The following SHANK2 variants were observed in gnomAD, a reference collection of about 807,000 sequenced individuals.
The protein encoded by SHANK2 is SH3 and multiple ankyrin repeat domains 2.
A neutral mutation model predicts 133.7 loss-of-function variants in SHANK2; 43 were observed. The observed-to-expected ratio is 0.32, with a 90% CI of 0.25 to 0.41. The LOEUF (loss-of-function observed/expected upper bound fraction) is 0.41. Among genes scored for constraint, SHANK2 ranks in the 10% least tolerant of loss-of-function variants. SHANK2 has a pLI of 1.00. For synonymous variants in SHANK2, 1,017 were observed against 952.8 expected, an observed-to-expected ratio of 1.07 and a Z score of -1.24; for missense variants, 1,994 against 2,235.8, an observed-to-expected ratio of 0.89 and a Z score of 2.18.
chr11:71,215,464 G>C (rs982457939), intron 2 of SHANK2, among the ~76,000 whole-genome samples: 7 of 152,208 alleles, frequency 4.6e-5, no homozygotes, highest in Admixed American at 4.6e-4. Flanking sequence ...GAGGCACCGA[G>C]GGAGCTTCAG....
intron 17 of SHANK2, among the ~76,000 whole-genome samples, chr11:70,544,864 C>A (rs2136048383): frequency 6.6e-6 from 1 of 152,368 alleles, no homozygotes; most frequent in Non-Finnish European, 1.5e-5. Context: ...TCCCCACCCA[C>A]AGGTCCTTCA....
At chr11:71,194,690 C>T (rs181313043) in intron 2 of SHANK2, among the ~76,000 whole-genome samples, 17 of 152,298 alleles carry the variant, frequency 1.1e-4, no homozygotes, top group South Asian at 2.1e-4. Flanking sequence ...CACAAAGAAA[C>T]GCAAAAGAGA....
chr11:71,145,522 G>T (rs1347689603), intron 3 of SHANK2, among the ~76,000 whole-genome samples: 16 of 152,222 alleles, frequency 1.1e-4, no homozygotes, highest in African/African-American at 3.9e-4. Flanking sequence ...TCTCTCAGAG[G>T]GAGCAGGGCT....
At chr11:70,690,715 A>ACC (rs1555020817) in intron 15 of SHANK2, among the ~76,000 whole-genome samples, 14 of 148,500 alleles carry the variant, frequency 9.4e-5, no homozygotes, top group Non-Finnish European at 1.8e-4. Context: ...ATATAAATAT[A>ACC]AATATACCAA....
At chr11:71,235,265 A>G (rs1409309097) in intron 1 of SHANK2, among the ~76,000 whole-genome samples, 1 of 152,106 alleles carries the variant, frequency 6.6e-6, no homozygotes, top group Non-Finnish European at 1.5e-5. Flanking sequence ...CCACTAGCTG[A>G]GCTCCGGAAG....
At chr11:70,501,256 A>C (rs782340984) in intron 20 of SHANK2, among the ~76,000 whole-genome samples, 1 of 152,236 alleles carries the variant, frequency 6.6e-6, no homozygotes, top group Non-Finnish European at 1.5e-5. Flanking sequence ...GGCCGGCCTC[A>C]GCGCCCTGGG....
rs1446107960 is a variant in SHANK2, at chr11:70,729,917, A to G, written c.1778-31154T>C. 4.0e-3 allele frequency among the ~76,000 whole-genome samples: 595 copies of G among 147,038 alleles called. 3 individuals carry two copies. The highest frequency in any genetic ancestry group is 0.014 in the African/African-American group (565 of 39,784). ...AGTGTTACTAAAAAAAAAAAAAAAA[A>G]GCCGATAGGTGCCTGAGCCAGGTGG... On this transcript the variant is annotated intron_variant, in intron 14 of 25. Transcript: ENST00000601538.
intron 14 of SHANK2, among the ~76,000 whole-genome samples, chr11:70,772,944 C>T (rs1268108285): frequency 6.6e-6 from 1 of 152,200 alleles, no homozygotes; most frequent in Non-Finnish European, 1.5e-5. Flanking sequence ...GTATGCTATT[C>T]TTATTAATCT....
chr11:71,131,688 G>A (rs1952310362), intron 3 of SHANK2, among the ~76,000 whole-genome samples: 1 of 152,182 alleles, frequency 6.6e-6, no homozygotes, highest in Non-Finnish European at 1.5e-5. Context: ...TTGTAAAGCA[G>A]AGATCAGATG....
intron 10 of SHANK2, among the ~76,000 whole-genome samples, chr11:70,924,969 C>T (rs181801991): frequency 1.3e-5 from 2 of 152,262 alleles, no homozygotes; most frequent in East Asian, 1.9e-4. Context: ...CATCACCATC[C>T]GGGCTCACAG....
At chr11:70,635,270 G>A (rs1555003518) in intron 17 of SHANK2, 1 of 152,242 alleles carries the variant, frequency 6.6e-6, no homozygotes, top group Non-Finnish European at 1.5e-5. Flanking sequence ...CACGGTGGCA[G>A]CACTATTCAT....
intron 10 of SHANK2, among the ~76,000 whole-genome samples, chr11:70,912,231 T>C (rs556519357): frequency 7.9e-5 from 12 of 151,938 alleles, no homozygotes; most frequent in Non-Finnish European, 1.6e-4. Flanking sequence ...CATTCAATGA[T>C]GTGAAGGAAG....
intron 17 of SHANK2, among the ~76,000 whole-genome samples, chr11:70,587,462 C>T (rs1218859050): frequency 1.3e-5 from 2 of 152,028 alleles, no homozygotes; most frequent in Admixed American, 1.3e-4. Flanking sequence ...TTCTACGCAG[C>T]CATCAAAGGC....
intron 12 of SHANK2, among the ~76,000 whole-genome samples, chr11:70,811,320 G>A (rs1269983084): frequency 6.6e-6 from 1 of 152,096 alleles, no homozygotes; most frequent in African/African-American, 2.4e-5. Flanking sequence ...AATGAGGAGT[G>A]CGTCTTCTCA....
intron 2 of SHANK2, among the ~76,000 whole-genome samples, chr11:71,194,853 C>T (rs1429586335): frequency 6.6e-6 from 1 of 152,150 alleles, no homozygotes; most frequent in Non-Finnish European, 1.5e-5. Flanking sequence ...GAGCAAGGAC[C>T]ATGAGGAAGA....
chr11:71,240,027 T>C (rs1555124183), intron 1 of SHANK2, among the ~76,000 whole-genome samples: 2 of 152,174 alleles, frequency 1.3e-5, no homozygotes, highest in Admixed American at 6.5e-5. Flanking sequence ...GAATGTTCAA[T>C]AGTAATATGA....
intron 10 of SHANK2, among the ~76,000 whole-genome samples, chr11:70,908,502 G>A (rs781784992): frequency 1.3e-5 from 2 of 152,202 alleles, no homozygotes; most frequent in African/African-American, 2.4e-5. Flanking sequence ...TTCATTCTGC[G>A]ATTTTGCCAT....
At chr11:71,228,560 C>G (rs868950656) in intron 1 of SHANK2, among the ~76,000 whole-genome samples, 1 of 152,160 alleles carries the variant, frequency 6.6e-6, no homozygotes, top group African/African-American at 2.4e-5. Flanking sequence ...GAGTTCAAGG[C>G]CAGCCTGGCC....
intron 1 of SHANK2, among the ~76,000 whole-genome samples, chr11:71,247,178 C>A (rs550376191): frequency 3.3e-5 from 5 of 152,150 alleles, no homozygotes; most frequent in Non-Finnish European, 5.9e-5. Flanking sequence ...AGCTCACTTA[C>A]GTATCCGTCA....
Sources: allele counts gnomAD v4.1 joint callset (sites outside exome capture counted in the v4.1 genomes callset), GRCh38; gene constraint gnomAD v4.1.1; transcripts MANE v1.5; gene names NCBI Gene and HGNC (gene_info 2026-07-23, HGNC 2026-07-21).